The following HELZ variants were observed in gnomAD, a reference collection of about 807,000 sequenced individuals.
The protein encoded by HELZ is ATP-dependent RNA helicase with zinc finger domain.
A neutral mutation model predicts 218.2 loss-of-function variants in HELZ; 23 were observed. The observed-to-expected ratio is 0.11, with a 90% CI of 0.08 to 0.15. The LOEUF (loss-of-function observed/expected upper bound fraction) is 0.15. Ranked by LOEUF, HELZ falls within the 10% of genes least tolerant of loss-of-function variation. The pLI, the probability that HELZ is intolerant of heterozygous loss-of-function variation, is 1.00. For synonymous variants in HELZ, 814 were observed against 829.4 expected, an observed-to-expected ratio of 0.98 and a Z score of 0.32; for missense variants, 1,813 against 2,353.7, an observed-to-expected ratio of 0.77 and a Z score of 4.75.
rs532050611 is a variant in HELZ at position 67,083,560 on chromosome 17, G to A, written c.5494+3269C>T. Among the ~76,000 whole-genome samples, 66 of 152,264 alleles carry A rather than the reference G, an allele frequency of 4.3e-4. 1 individual carries two copies. Among genetic ancestry groups the A allele is most frequent in the Admixed American group, 2.0e-3 (31 of 15,296 alleles). On this transcript the variant is annotated intron_variant, in intron 32 of 32. Transcript: ENST00000358691. Reference sequence around the variant, plus strand: ...GGATAATTGCTTGATCCCAGGAGGCGGAGGCTGCAGTGAGCCAAGATGGTG... The same window carrying A: ...GGATAATTGCTTGATCCCAGGAGGCAGAGGCTGCAGTGAGCCAAGATGGTG...
At chr17:67,140,813 A>G (rs1238519800) in intron 21 of HELZ, among the ~76,000 whole-genome samples, 2 of 152,218 alleles carry the variant, frequency 1.3e-5, no homozygotes, top group Non-Finnish European at 2.9e-5. Context: ...ACAAAAATAA[A>G]ATCTTGAAAA....
chr17:67,219,687 C>T (rs2040693846), intron 3 of HELZ, among the ~76,000 whole-genome samples: 1 of 152,104 alleles, frequency 6.6e-6, no homozygotes, highest in African/African-American at 2.4e-5. Flanking sequence ...TTTTATTCCA[C>T]AGGCAATGGA....
chr17:67,158,095 A>T (rs1413769286), intron 17 of HELZ, among the ~76,000 whole-genome samples: 1 of 152,236 alleles, frequency 6.6e-6, no homozygotes, highest in Non-Finnish European at 1.5e-5. Context: ...AACTAAAAGA[A>T]TTTTACAAAT....
chr17:67,198,735 AT>A (rs2040093818), intron 7 of HELZ, among the ~76,000 whole-genome samples: 5 of 152,194 alleles, frequency 3.3e-5, no homozygotes, highest in Admixed American at 3.3e-4. Context: ...GCTTAGCCCA[AT>A]TTTTAAATAA....
chr17:67,223,378 A>G (rs914433560), intron 3 of HELZ, among the ~76,000 whole-genome samples: 6 of 152,294 alleles, frequency 3.9e-5, no homozygotes, highest in African/African-American at 1.4e-4. Flanking sequence ...TAAGCACACC[A>G]ATGTAGGAAG....
At chr17:67,126,329 C>T (rs1055455868) in intron 24 of HELZ, among the ~76,000 whole-genome samples, 1 of 152,112 alleles carries the variant, frequency 6.6e-6, no homozygotes, top group Non-Finnish European at 1.5e-5. Context: ...TATATCAGCA[C>T]TATGGGTACT....
intron 9 of HELZ, among the ~76,000 whole-genome samples, chr17:67,192,381 G>C (rs1031923935): frequency 1.3e-5 from 2 of 151,992 alleles, no homozygotes; most frequent in African/African-American, 4.8e-5. Flanking sequence ...GAAAAAATGA[G>C]TATATTTAAA....
chr17:67,190,380 T>G, intron 9 of HELZ, 25 bp from the exon 10 acceptor site: 3 of 1,544,568 alleles, frequency 1.9e-6, no homozygotes, highest in Non-Finnish European at 1.8e-6. Flanking sequence ...AAAGACTGTT[T>G]TATCATATAC....
Position 67,107,513 on chromosome 17 carries a change from T to C in HELZ, c.4897A>G (p.Asn1633Asp). The change falls in exon 31 of 33, where the codon AAC becomes GAC. Residue 1633 changes from asparagine (N) to aspartate (D), a missense_variant. Physicochemically the swap from Asn to Asp is conservative, Grantham distance 23 (BLOSUM62 1). Transcript: ENST00000358691. ...SSTDHSSHFSNFNDNSRDIEV... is the reference protein window; with the variant it reads ...SSTDHSSHFSDFNDNSRDIEV... ...ATGTCTCTGCTGTTATCATTAAAGT[T>C]AGAAAAGTGGCTACTGTGGTCTGTA... The C allele has an allele frequency of 6.2e-7, 1 of 1,614,174 alleles. No homozygotes were observed.
At chr17:67,092,337 C>A (rs1040929804) in intron 31 of HELZ, among the ~76,000 whole-genome samples, 5 of 151,658 alleles carry the variant, frequency 3.3e-5, no homozygotes, top group Admixed American at 6.6e-5. Flanking sequence ...ATTATAGCTA[C>A]CCCCCAAGAA....
rs371059291 is a variant in HELZ, at chr17:67,118,585, G to A, written c.3838+1820C>T. Among the ~76,000 whole-genome samples the A allele has an allele frequency of 2.1e-4, 31 of 150,724 alleles. No individual in the cohort carries two copies. In the South Asian group the frequency reaches 5.7e-3, roughly 28 times the overall value. ...GAAAATGAAAGCTAGACACAGTGGC[G>A]TGTGCCTGTAGTCCCAGATACTCAG... On this transcript the variant is annotated intron_variant, in intron 27 of 32. Transcript: ENST00000358691.
intron 1 of HELZ, chr17:67,244,088 C>A (rs2041398857): frequency 3.3e-6 from 2 of 612,692 alleles, no homozygotes; most frequent in South Asian, 7.2e-5. Flanking sequence ...TCTTTTTCAA[C>A]ACAGACTGAC....
intron 19 of HELZ, among the ~76,000 whole-genome samples, chr17:67,149,628 TTAAA>T (rs1393640071): frequency 1.2e-4 from 18 of 151,986 alleles, no homozygotes; most frequent in Admixed American, 2.6e-4. Flanking sequence ...AGAACAGAAC[TTAAA>T]TAAATAAACA....
intron 13 of HELZ, chr17:67,176,412 T>C (rs2039458184): frequency 6.6e-6 from 1 of 152,254 alleles, no homozygotes; most frequent in Non-Finnish European, 1.5e-5. Flanking sequence ...TCACTACTCT[T>C]TGCAAGACAT....
intron 12 of HELZ, among the ~76,000 whole-genome samples, chr17:67,186,986 G>C (rs2039773852): frequency 6.6e-6 from 1 of 152,140 alleles, no homozygotes; most frequent in South Asian, 2.1e-4. Flanking sequence ...TTGGAACACA[G>C]TCACACCCAT....
intron 5 of HELZ, among the ~76,000 whole-genome samples, chr17:67,211,640 C>T (rs2040453544): frequency 6.6e-6 from 1 of 152,124 alleles, no homozygotes; most frequent in Non-Finnish European, 1.5e-5. Flanking sequence ...GCAGGTGGAC[C>T]ACTTGAGGTC....
At chr17:67,165,535 T>G (rs1363685210) in intron 15 of HELZ, among the ~76,000 whole-genome samples, 1 of 152,158 alleles carries the variant, frequency 6.6e-6, no homozygotes, top group African/African-American at 2.4e-5. Context: ...ATAAATAAAC[T>G]TCTATTTTGT....
rs1327721472 is a variant in HELZ, at chr17:67,109,326, G to C, written c.4279C>G (p.Pro1427Ala). 4.3e-6 allele frequency: 7 copies of C among 1,614,144 alleles called. No individual in the cohort carries two copies. The highest frequency in any genetic ancestry group is 1.3e-5 in the African/African-American group (1 of 75,026). The change falls in exon 29 of 33, where the codon CCC (proline) becomes GCC (alanine). Residue 1427 changes from proline (P) to alanine (A), a missense_variant. This residue lies in a region of HELZ where 938 missense variants were observed against 1,027.5 expected (regional missense o/e 0.91). Transcript: ENST00000358691. Reference sequence around the variant, plus strand: ...GCACTATTAAAAAAAGCATTGTTGGGTCCCGCCTGATATGCAGGAGAAAGC... The same window carrying C: ...GCACTATTAAAAAAAGCATTGTTGGCTCCCGCCTGATATGCAGGAGAAAGC... ...PQLSPAYQAGPNNAFFNSAVA... is the reference protein window; with the variant it reads ...PQLSPAYQAGANNAFFNSAVA...
intron 3 of HELZ, among the ~76,000 whole-genome samples, chr17:67,232,340 G>C (rs528182005): frequency 3.5e-4 from 53 of 152,174 alleles, no homozygotes; most frequent in Non-Finnish European, 6.9e-4. Flanking sequence ...TTTTAGTAGA[G>C]ACGGGGTTTC....
Sources: gnomAD v4.1 joint callset for allele counts (sites outside exome capture counted in the v4.1 genomes callset) on GRCh38, gnomAD v4.1.1 for gene constraint, gnomAD v4.1.1 regional missense constraint, MANE v1.5 for transcripts, NCBI Gene and HGNC (gene_info 2026-07-23, HGNC 2026-07-21) for gene names.